The following TEX26 variants were observed in gnomAD, a reference collection of about 807,000 sequenced individuals.
The protein encoded by TEX26 is testis-expressed protein 26.
TEX26 carries 34 observed loss-of-function variants against 35.3 expected under a neutral mutation model. The ratio of observed to expected loss-of-function variants is 0.96; its 90% CI spans 0.73 to 1.28. The LOEUF (loss-of-function observed/expected upper bound fraction) is 1.28, where lower values mean the gene tolerates loss of function less well. TEX26 is among the 50% of genes most tolerant of loss of function. TEX26 has a pLI of 0.00. For missense variants in TEX26, 371 were observed against 330.1 expected, an observed-to-expected ratio of 1.12 and a Z score of -0.96; for synonymous variants, 136 against 111.8, an observed-to-expected ratio of 1.22 and a Z score of -1.36.
At chr13:30,939,871 G>C in intron 2 of TEX26, 93 bp downstream of exon 2, 2 of 1,156,502 alleles carry the variant, frequency 1.7e-6, no homozygotes, top group Admixed American at 2.0e-5. Flanking sequence ...ACAGTAATTA[G>C]AGAAGCTTCG....
At position 30,939,901 on chromosome 13, in the gene TEX26, G is replaced by A. The variant is rs559119044; in HGVS notation, c.146+123G>A. ...GCTTCGTAAAAATGCTCTTGGATACGGGCTACTGTGTGCACACCTCTGCTC... is the reference window on the plus strand; with the variant it reads ...GCTTCGTAAAAATGCTCTTGGATACAGGCTACTGTGTGCACACCTCTGCTC... On this transcript the variant is annotated intron_variant, in intron 2 of 6. Coordinates refer to ENST00000380473, the MANE Select transcript of TEX26 (RefSeq NM_152325.3). 5.9e-4 allele frequency: 493 copies of A among 835,460 alleles called. 4 individuals carry two copies. The South Asian group carries it at 6.7e-3, about 11-fold the overall frequency. 51.8% of individuals were successfully genotyped at this position (835,460 alleles called of 1,614,324 possible). A position where few individuals can be genotyped will look rare whatever the true frequency, so the allele number is the denominator to read the frequency against.
chr13:30,961,296 G>T (rs1954333956), intron 4 of TEX26, among the ~76,000 whole-genome samples: 1 of 152,182 alleles, frequency 6.6e-6, no homozygotes, highest in Admixed American at 6.5e-5. Context: ...ATATGACTAT[G>T]CAGGGTTATG....
At chr13:30,953,265 T>C (rs1395679596) in intron 3 of TEX26, among the ~76,000 whole-genome samples, 1 of 152,206 alleles carries the variant, frequency 6.6e-6, no homozygotes, top group Non-Finnish European at 1.5e-5. Context: ...ATATTTTACA[T>C]GTGGAATCAA....
At chr13:30,968,086 G>T (rs1263856068) in intron 5 of TEX26, among the ~76,000 whole-genome samples, 1 of 152,188 alleles carries the variant, frequency 6.6e-6, no homozygotes, top group South Asian at 2.1e-4. Context: ...CTGAAGGTTT[G>T]CTGAAAAATT....
intron 3 of TEX26, among the ~76,000 whole-genome samples, chr13:30,953,587 G>C (rs1298608783): frequency 6.6e-6 from 1 of 152,200 alleles, no homozygotes; most frequent in Admixed American, 6.5e-5. Context: ...GCTTAGCCTT[G>C]TGTTTCATAC....
chr13:30,949,184 A>G (rs1010950572), intron 2 of TEX26, among the ~76,000 whole-genome samples: 3 of 152,196 alleles, frequency 2.0e-5, no homozygotes, highest in Non-Finnish European at 2.9e-5. Context: ...TGATGCCTCA[A>G]GCTTTGACTT....
chr13:30,971,237 T>C (rs933260966), intron 6 of TEX26, among the ~76,000 whole-genome samples: 1 of 152,256 alleles, frequency 6.6e-6, no homozygotes, highest in Non-Finnish European at 1.5e-5. Context: ...ATGGCACTGA[T>C]GCTTTTCAGC....
In TEX26 at chr13:30,952,811, T is replaced by C. The variant is rs1304405255; in HGVS notation, c.298T>C (p.Ser100Pro). 6.2e-7 allele frequency: 1 copy of C among 1,612,696 alleles called. No homozygotes were observed. Among genetic ancestry groups the C allele is most frequent in the African/African-American group, 1.3e-5 (1 of 74,898 alleles). The change falls in exon 3 of 7, where the codon TCT becomes CCT. Residue 100 changes from serine (S) to proline (P), a missense_variant. Coordinates refer to ENST00000380473, the MANE Select transcript of TEX26 (RefSeq NM_152325.3). ...TTCAAGAGGAATCAAGAGCCACAAATCTCATCTCAATGAAGTAAGATAATA... is the reference window on the plus strand; with the variant it reads ...TTCAAGAGGAATCAAGAGCCACAAACCTCATCTCAATGAAGTAAGATAATA... ...ETSRGIKSHK[S>P]HLNEDIFLWT...
chr13:30,968,231 G>T (rs896854736), intron 5 of TEX26, among the ~76,000 whole-genome samples: 4 of 152,218 alleles, frequency 2.6e-5, no homozygotes, highest in Non-Finnish European at 5.9e-5. Context: ...GTTATAGAAA[G>T]AGCTGGCTAA....
chr13:30,957,097 G>A, intron 4 of TEX26, 68 bp downstream of exon 4: 2 of 1,496,246 alleles, frequency 1.3e-6, no homozygotes, highest in South Asian at 1.2e-5. Context: ...GTGGTCGGCA[G>A]CATGCGTGTG....
intron 6 of TEX26, among the ~76,000 whole-genome samples, chr13:30,969,545 G>T (rs1954648134): frequency 6.6e-6 from 1 of 152,146 alleles, no homozygotes; most frequent in African/African-American, 2.4e-5. Context: ...ACTTATCCTA[G>T]TTTGCAGCCA....
chr13:30,970,885 A>T (rs1954690100), intron 6 of TEX26, among the ~76,000 whole-genome samples: 1 of 152,204 alleles, frequency 6.6e-6, no homozygotes, highest in African/African-American at 2.4e-5. Flanking sequence ...TGTCCACCTA[A>T]TGGGGTTTTC....
At chr13:30,952,226 A>G (rs1316219724) in intron 2 of TEX26, among the ~76,000 whole-genome samples, 2 of 151,908 alleles carry the variant, frequency 1.3e-5, no homozygotes, top group African/African-American at 2.4e-5. Context: ...GTGAGTGGAC[A>G]TTGCTGGCCA....
chr13:30,971,998 C>A (rs1954727565), intron 6 of TEX26, among the ~76,000 whole-genome samples: 1 of 152,162 alleles, frequency 6.6e-6, no homozygotes, highest in Admixed American at 6.5e-5. Context: ...AAGAAATGCT[C>A]AGTTGATACA....
At chr13:30,932,994 C>G in intron 1 of TEX26, 2 of 475,686 alleles carry the variant, frequency 4.2e-6, no homozygotes, top group Non-Finnish European at 3.7e-6. Flanking sequence ...AATCCCCGCT[C>G]CCTAAAACGC....
At chr13:30,967,938 G>A (rs780769422) in intron 5 of TEX26, among the ~76,000 whole-genome samples, 8 of 152,160 alleles carry the variant, frequency 5.3e-5, no homozygotes, top group Admixed American at 1.3e-4. Context: ...GTCCCTGGAA[G>A]GAAGTCCCTT....
chr13:30,955,075 AG>A (rs36178597), intron 3 of TEX26, among the ~76,000 whole-genome samples: 2 of 151,226 alleles, frequency 1.3e-5, no homozygotes, highest in Non-Finnish European at 2.9e-5. Context: ...CCATTTATTC[AG>A]GGGTGTCTAA....
intron 6 of TEX26, among the ~76,000 whole-genome samples, chr13:30,970,675 T>C (rs1426521425): frequency 6.6e-6 from 1 of 152,228 alleles, no homozygotes; most frequent in Admixed American, 6.5e-5. Context: ...GGACTTGCAA[T>C]GCAGATTCAG....
chr13:30,972,280 T>A (rs1954738813), intron 6 of TEX26, among the ~76,000 whole-genome samples: 1 of 152,174 alleles, frequency 6.6e-6, no homozygotes, highest in Non-Finnish European at 1.5e-5. Context: ...CACGAGGAAA[T>A]GAATTTGCAT....
Sources: allele counts gnomAD v4.1 joint callset (sites outside exome capture counted in the v4.1 genomes callset), GRCh38; gene constraint gnomAD v4.1.1; transcripts MANE v1.5; gene names NCBI Gene and HGNC (gene_info 2026-07-23, HGNC 2026-07-21).